Variants in TG observed in about 807,000 individuals in gnomAD.
TG encodes the protein thyroid hormones.
A neutral mutation model predicts 324.7 loss-of-function variants in TG; 270 were observed. The ratio of observed to expected loss-of-function variants is 0.83; its 90% CI spans 0.75 to 0.92. The LOEUF is 0.92. Among genes scored for constraint, TG ranks in the 40% least tolerant of loss-of-function variants. TG has a pLI of 0.00. For synonymous variants in TG, 1,401 were observed against 1,327.0 expected, an observed-to-expected ratio of 1.06 and a Z score of -1.21; for missense variants, 3,591 against 3,456.4, an observed-to-expected ratio of 1.04 and a Z score of -0.98.
chr8:133,064,136 C>T (rs1472627679), intron 41 of TG: 1 of 152,118 alleles, frequency 6.6e-6, no homozygotes, highest in Non-Finnish European at 1.5e-5. Context: ...GTCTTTGGAC[C>T]AATGTTATTT....
intron 41 of TG, among the ~76,000 whole-genome samples, chr8:133,071,891 T>C (rs1844110981): frequency 6.6e-6 from 1 of 152,166 alleles, no homozygotes; most frequent in South Asian, 2.1e-4. Context: ...TATTCCTCAA[T>C]GAAAAGCCAT....
In TG at chr8:132,888,321, A is replaced by G. The variant is rs746657606; in HGVS notation, c.2514A>G (p.Gln838=). ...GQQDVFPVLS[Q]YPSLQDVPLA... is the part of the protein sequence containing the mutation. The stretch of plus-strand genomic sequence containing the variant: ...AAGATGTCTTCCCGGTGCTGTCACA[A>G]TACCCTTCTCTGCAAGATGTCCCAC... Residue 838 remains glutamine, a synonymous_variant, in exon 10 of 48, where the codon CAA becomes CAG. Transcript: ENST00000220616. The G allele has an allele frequency of 6.2e-7, 1 of 1,614,210 alleles. No homozygotes were observed. Among genetic ancestry groups the G allele is most frequent in the East Asian group, 2.2e-5 (1 of 44,888 alleles).
intron 22 of TG, among the ~76,000 whole-genome samples, chr8:132,923,753 G>T (rs1821431292): frequency 6.6e-6 from 1 of 152,092 alleles, no homozygotes; most frequent in Non-Finnish European, 1.5e-5. Flanking sequence ...CCAGATATCA[G>T]GAACCCTTAC....
Position 132,881,940 on chromosome 8 carries a change from A to T in TG, c.716A>T (p.Asp239Val). 1 of 1,614,048 alleles carries T rather than the reference A, an allele frequency of 6.2e-7. No individual in the cohort carries two copies. The highest frequency in any genetic ancestry group is 8.5e-7 in the Non-Finnish European group (1 of 1,179,920). The change falls in exon 6 of 48, where the codon GAC becomes GTC. Residue 239 changes from aspartate (D) to valine (V), a missense_variant. By Grantham distance (152) the Asp-to-Val change is radical (BLOSUM62 -3). Transcript: ENST00000220616. Reference sequence around the variant, plus strand: ...GTATCTGGGTATTGCCACTGTGCTGACAGCCAAGGGCGGGAACTGGCTGAG... The same window carrying T: ...GTATCTGGGTATTGCCACTGTGCTGTCAGCCAAGGGCGGGAACTGGCTGAG... ...PEVSGYCHCA[D>V]SQGRELAETG...
chr8:133,106,499 A>G (rs1588114568), intron 43 of TG: 1 of 981,438 alleles, frequency 1.0e-6, no homozygotes, highest in East Asian at 1.1e-4. Context: ...TCTCCCAGCC[A>G]CCCAGCCCTC....
intron 34 of TG, among the ~76,000 whole-genome samples, chr8:132,977,221 C>A (rs879881831): frequency 1.3e-5 from 2 of 152,158 alleles, no homozygotes; most frequent in Non-Finnish European, 2.9e-5. Flanking sequence ...GAAGTAGCCT[C>A]TATGGGACTA....
intron 34 of TG, among the ~76,000 whole-genome samples, chr8:132,975,429 T>A (rs961212532): frequency 2.0e-4 from 30 of 152,248 alleles, no homozygotes; most frequent in Non-Finnish European, 3.7e-4. Flanking sequence ...TCATTCCATC[T>A]GTTCTTTTTC....
At chr8:132,883,470 T>C (rs1814951368) in intron 8 of TG, among the ~76,000 whole-genome samples, 1 of 151,908 alleles carries the variant, frequency 6.6e-6, no homozygotes, top group Admixed American at 6.6e-5. Flanking sequence ...AGAAGCAAAA[T>C]TAGAAGGACA....
intron 20 of TG, among the ~76,000 whole-genome samples, chr8:132,916,647 C>A (rs1474191825): frequency 1.3e-5 from 2 of 152,126 alleles, no homozygotes; most frequent in Admixed American, 1.3e-4. Flanking sequence ...GGCACAGCAG[C>A]CTTGATCCAG....
intron 35 of TG, chr8:132,994,862 T>C (rs1832721617): frequency 8.0e-7 from 1 of 1,257,182 alleles, no homozygotes; most frequent in Non-Finnish European, 1.0e-6. Context: ...GCATTGGTTA[T>C]CTTGCTGTGA....
At chr8:133,030,208 A>C (rs1466169888) in intron 41 of TG, among the ~76,000 whole-genome samples, 185 bp downstream of exon 41, 1 of 152,188 alleles carries the variant, frequency 6.6e-6, no homozygotes, top group African/African-American at 2.4e-5. Flanking sequence ...AGCTCTCCTG[A>C]CTTTTTTCCA....
intron 35 of TG, among the ~76,000 whole-genome samples, chr8:132,991,086 T>G (rs1382603182): frequency 6.6e-6 from 1 of 151,826 alleles, no homozygotes. Context: ...TTAAAATTGT[T>G]ATGGCCTCAC....
chr8:132,911,620 G>C, intron 19 of TG, 87 bp downstream of exon 19: 2 of 1,126,160 alleles, frequency 1.8e-6, no homozygotes, highest in Non-Finnish European at 2.7e-6. Context: ...AGCTGGTGAA[G>C]AAGCCCATGA....
At chr8:132,946,037 TACACACACACAC>T (rs5895165) in intron 26 of TG, among the ~76,000 whole-genome samples, 16,766 of 116,912 alleles carry the variant, frequency 0.14, 1,243 homozygotes, top group East Asian at 0.47. Context: ...AAAAATATGT[TACACACACACAC>T]ACACACACAC....
In TG at chr8:132,948,795, G is replaced by A. The variant is rs139662735; in HGVS notation, c.5253G>A (p.Leu1751=). The A allele has an allele frequency of 9.3e-6, 15 of 1,613,872 alleles. No homozygotes were observed. Among genetic ancestry groups the A allele is most frequent in the Non-Finnish European group, 1.3e-5 (15 of 1,180,022 alleles). ...TCTCAGGTGCCATCATCTGTGGGTT[G>A]CTGAGCTCACCCAGTGTCCTGCTTT... ...QVQGGAIICG[L]LSSPSVLLCN... Residue 1751 remains leucine (L), a synonymous_variant, in exon 27 of 48, where the codon TTG becomes TTA. Coordinates refer to ENST00000220616, the MANE Select transcript of TG (RefSeq NM_003235.5).
intron 40 of TG, among the ~76,000 whole-genome samples, chr8:133,026,511 C>G (rs1377150846): frequency 2.0e-5 from 3 of 152,198 alleles, no homozygotes; most frequent in African/African-American, 7.2e-5. Flanking sequence ...CATCTGGCAC[C>G]AAGTTGTTGT....
intron 26 of TG, among the ~76,000 whole-genome samples, chr8:132,944,641 CAT>C (rs1230442030): frequency 1.3e-5 from 2 of 152,184 alleles, no homozygotes. Context: ...TGACTTATGA[CAT>C]AGACACTTGT....
Position 133,131,851 on chromosome 8 carries a change from T to C in TG, c.7902T>C (p.Leu2634=). The change falls in exon 46 of 48, where the codon CTT becomes CTC. Residue 2634 remains leucine, a synonymous_variant. Coordinates refer to ENST00000220616, the MANE Select transcript of TG (RefSeq NM_003235.5). ...LLADVQFALG[L]PFYPAYEGQF... ...CGGATGTTCAGTTTGCCTTGGGGCT[T>C]CCCTTCTACCCAGCCTACGAGGGGC... The C allele has an allele frequency of 1.9e-6, 3 of 1,614,178 alleles. No homozygotes were observed. The highest frequency in any genetic ancestry group is 2.5e-6 in the Non-Finnish European group (3 of 1,180,012).
intron 18 of TG, among the ~76,000 whole-genome samples, chr8:132,910,438 C>G (rs1043277525): frequency 2.6e-5 from 4 of 152,178 alleles, no homozygotes; most frequent in Non-Finnish European, 5.9e-5. Context: ...TATGTAAACT[C>G]TCTTGGAATG....
Sources: allele counts gnomAD v4.1 joint callset (sites outside exome capture counted in the v4.1 genomes callset), GRCh38; gene constraint gnomAD v4.1.1; transcripts MANE v1.5; gene names NCBI Gene and HGNC (gene_info 2026-07-23, HGNC 2026-07-21).